Variants in SAMD5 observed in about 807,000 individuals in gnomAD.
The protein encoded by SAMD5 is sterile alpha motif domain-containing protein 5.
A neutral mutation model predicts 11.3 loss-of-function variants in SAMD5; 13 were observed. The ratio of observed to expected loss-of-function variants is 1.15; its 90% confidence interval spans 0.75 to 1.83. The LOEUF (loss-of-function observed/expected upper bound fraction) is 1.83, where lower values mean the gene tolerates loss of function less well. Ranked by LOEUF, SAMD5 falls within the 40% of genes most tolerant of loss-of-function variation. SAMD5 has a pLI of 0.00. For missense variants in SAMD5, 255 were observed against 239.1 expected (o/e 1.07, Z -0.44); for synonymous variants, 129 against 111.3 (o/e 1.16, Z -1.00).
rs181018004 is a variant in SAMD5 at position 147,568,946 on chromosome 6, G to A, written c.*4490G>A. The A allele has an allele frequency of 5.7e-5, 55 of 972,136 alleles. No homozygotes were observed. In the East Asian group the frequency reaches 5.1e-3, roughly 91 times the overall value. The allele number at this position is 972,136 out of a possible 1,614,324, so 60.2% of individuals were successfully genotyped here. On this transcript the variant is annotated 3_prime_UTR_variant, in exon 2 of 2. Coordinates refer to ENST00000367474, the MANE Select transcript of SAMD5 (RefSeq NM_001030060.3). ...ATGGTAGGTAGTTCAGAAAAAAATG[G>A]CTGGGCACGGTGGCTCACGCCTGTA...
At chr6:147,737,257 TCAC>T in intron 1 of SAMD5, 1 of 1,058,576 alleles carries the variant, frequency 9.4e-7, no homozygotes, top group South Asian at 1.8e-5. Flanking sequence ...CCGTGCTTTT[TCAC>T]TATGATTTCA....
chr6:147,803,183 T>TGTGTG, the SAMD5 span, among the ~76,000 whole-genome samples: 2 of 107,246 alleles, frequency 1.9e-5, no homozygotes, highest in East Asian at 2.9e-4. Context: ...GTGTGTGTGT[T>TGTGTG]TTACATAGAT....
intron 1 of SAMD5, among the ~76,000 whole-genome samples, chr6:147,578,011 A>C (rs1454504055): frequency 6.6e-6 from 1 of 152,156 alleles, no homozygotes; most frequent in Non-Finnish European, 1.5e-5. Flanking sequence ...GTTAAATGCA[A>C]TTTTAGGAAC....
chr6:147,659,350 G>T (rs1168302603), intron 1 of SAMD5, among the ~76,000 whole-genome samples: 1 of 151,132 alleles, frequency 6.6e-6, no homozygotes, highest in Non-Finnish European at 1.5e-5. Context: ...TTTATCAATT[G>T]TTTTGCTATC....
intron 1 of SAMD5, among the ~76,000 whole-genome samples, chr6:147,595,759 T>G (rs1789522398): frequency 6.6e-6 from 1 of 152,036 alleles, no homozygotes; most frequent in Non-Finnish European, 1.5e-5. Flanking sequence ...TCTCCTGACC[T>G]CATGATCCAC....
At chr6:147,950,044 C>T in the SAMD5 span, among the ~76,000 whole-genome samples, 1 of 152,220 alleles carries the variant, frequency 6.6e-6, no homozygotes, top group Non-Finnish European at 1.5e-5. Context: ...ATGTCAGGCA[C>T]TTCAAAAAAC....
intron 1 of SAMD5, among the ~76,000 whole-genome samples, chr6:147,683,008 G>A (rs932639887): frequency 2.6e-5 from 4 of 152,122 alleles, no homozygotes; most frequent in African/African-American, 2.4e-5. Context: ...ACAAGTAACC[G>A]TGTCGTTTTC....
chr6:147,829,462 G>A, the SAMD5 span, among the ~76,000 whole-genome samples: 4 of 152,192 alleles, frequency 2.6e-5, no homozygotes, highest in Non-Finnish European at 5.9e-5. Context: ...ACCAAGGGGA[G>A]AGGAAAATTT....
chr6:147,897,017 G>C, the SAMD5 span, among the ~76,000 whole-genome samples: 5 of 152,104 alleles, frequency 3.3e-5, no homozygotes, highest in African/African-American at 1.2e-4. Flanking sequence ...AGGTGGGATC[G>C]GGGGAAGTGA....
intron 1 of SAMD5, among the ~76,000 whole-genome samples, chr6:147,611,436 G>A (rs367854678): frequency 3.6e-4 from 54 of 152,026 alleles, no homozygotes; most frequent in South Asian, 2.5e-3. Context: ...GGTGGTGCGC[G>A]CCTGTAATCC....
chr6:147,596,416 C>T (rs994051416), intron 1 of SAMD5, among the ~76,000 whole-genome samples: 3 of 152,076 alleles, frequency 2.0e-5, no homozygotes, highest in Admixed American at 1.3e-4. Context: ...TTTATTAGAC[C>T]TATTAGTCTG....
In SAMD5 at chr6:147,564,709, T is replaced by C. The variant is rs1789009367; in HGVS notation, c.*253T>C. On this transcript the variant is annotated 3_prime_UTR_variant, in exon 2 of 2. Coordinates refer to ENST00000367474, the MANE Select transcript of SAMD5 (RefSeq NM_001030060.3). ...AGTTCATTTTTTTAAGAAGATATCA[T>C]GATGAGATACAGTCTTATGCATTTC... The C allele has an allele frequency of 8.3e-7, 1 of 1,205,776 alleles. No homozygotes were observed. The highest frequency in any genetic ancestry group is 1.0e-6 in the Non-Finnish European group (1 of 965,332). 74.7% of individuals were successfully genotyped at this position (1,205,776 alleles called of 1,614,324 possible).
the SAMD5 span, among the ~76,000 whole-genome samples, chr6:147,833,473 G>A: frequency 6.6e-6 from 1 of 152,142 alleles, no homozygotes; most frequent in African/African-American, 2.4e-5. Flanking sequence ...GTTAGACTGT[G>A]TTTATGGAAA....
chr6:147,628,657 T>A (rs1790094103), intron 1 of SAMD5, among the ~76,000 whole-genome samples: 1 of 152,104 alleles, frequency 6.6e-6, no homozygotes, highest in Admixed American at 6.5e-5. Flanking sequence ...AAAGGATTTT[T>A]TTTCAAACAA....
At chr6:147,657,702 G>T (rs527777007) in intron 1 of SAMD5, among the ~76,000 whole-genome samples, 40 of 152,324 alleles carry the variant, frequency 2.6e-4, no homozygotes, top group African/African-American at 9.1e-4. Flanking sequence ...CCTGCTTGCT[G>T]GTTCATAGAC....
At chr6:147,731,451 A>C (rs1042987897) in intron 1 of SAMD5, among the ~76,000 whole-genome samples, 1 of 152,108 alleles carries the variant, frequency 6.6e-6, no homozygotes, top group South Asian at 2.1e-4. Flanking sequence ...TGTGATGGAG[A>C]AAACTGACTT....
At chr6:147,683,162 T>C (rs1790963481) in intron 1 of SAMD5, among the ~76,000 whole-genome samples, 1 of 152,328 alleles carries the variant, frequency 6.6e-6, no homozygotes, top group East Asian at 1.9e-4. Context: ...TGCGTGCCAT[T>C]TGAAATGCTT....
chr6:147,575,704 A>G (rs1247657843), intron 1 of SAMD5, among the ~76,000 whole-genome samples: 1 of 152,206 alleles, frequency 6.6e-6, no homozygotes, highest in Non-Finnish European at 1.5e-5. Flanking sequence ...GAATAAGAAT[A>G]TCTTTTGATA....
the SAMD5 span, among the ~76,000 whole-genome samples, chr6:147,747,678 T>G: frequency 6.8e-6 from 1 of 147,530 alleles, no homozygotes; most frequent in Admixed American, 6.7e-5. Context: ...GCCCGGCTAA[T>G]TTTTTTTGTA....
Sources: gnomAD v4.1 joint callset for allele counts (sites outside exome capture counted in the v4.1 genomes callset) on GRCh38, gnomAD v4.1.1 for gene constraint, MANE v1.5 for transcripts, NCBI Gene and HGNC (gene_info 2026-07-23, HGNC 2026-07-21) for gene names.